Variants in KCNIP1 observed in about 807,000 individuals in gnomAD.
KCNIP1 encodes the protein A-type potassium channel modulatory protein KCNIP1.
A neutral mutation model predicts 33.0 loss-of-function variants in KCNIP1; 18 were observed. The ratio of observed to expected loss-of-function variants is 0.55; its 90% CI spans 0.38 to 0.81. The LOEUF is 0.81. Among genes scored for constraint, KCNIP1 ranks in the 30% least tolerant of loss-of-function variants. The pLI is 0.00. For synonymous variants in KCNIP1, 93 were observed against 98.3 expected (o/e 0.95, Z 0.32); for missense variants, 238 against 271.6 (o/e 0.88, Z 0.87).
chr5:170,491,596 T>A (rs1182200720), intron 1 of KCNIP1, among the ~76,000 whole-genome samples: 1 of 152,240 alleles, frequency 6.6e-6, no homozygotes. Flanking sequence ...ATTTGTGGTT[T>A]AAGCTTCATG....
intron 1 of KCNIP1, among the ~76,000 whole-genome samples, chr5:170,535,915 G>A (rs1205618495): frequency 6.6e-6 from 1 of 152,188 alleles, no homozygotes; most frequent in Non-Finnish European, 1.5e-5. Context: ...AAAGGGGCCT[G>A]AGGAACTGCC....
At chr5:170,450,340 T>C (rs976527958) in intron 1 of KCNIP1, among the ~76,000 whole-genome samples, 6 of 152,290 alleles carry the variant, frequency 3.9e-5, no homozygotes, top group African/African-American at 1.4e-4. Context: ...CATTTTTTCA[T>C]CCATCACTCA....
intron 1 of KCNIP1, among the ~76,000 whole-genome samples, chr5:170,686,385 G>C (rs1413352013): frequency 6.6e-6 from 1 of 152,116 alleles, no homozygotes; most frequent in Non-Finnish European, 1.5e-5. Flanking sequence ...AGGAAGATGC[G>C]AACAAGGAGA....
At chr5:170,383,873 C>T (rs1198867457) in intron 1 of KCNIP1, 1 of 1,611,688 alleles carries the variant, frequency 6.2e-7, no homozygotes, top group Non-Finnish European at 8.5e-7. Context: ...CACACATGCA[C>T]ACATACACAT....
At chr5:170,707,456 T>A (rs6877532) in intron 1 of KCNIP1, among the ~76,000 whole-genome samples, 1 of 152,212 alleles carries the variant, frequency 6.6e-6, no homozygotes, top group East Asian at 1.9e-4. Flanking sequence ...TTCTTCAATC[T>A]TGGAAAATAT....
upstream of KCNIP1, among the ~76,000 whole-genome samples, chr5:170,502,442 G>C (rs1757432282): frequency 6.6e-6 from 1 of 152,266 alleles, no homozygotes; most frequent in East Asian, 1.9e-4. Flanking sequence ...CCTGTATCCT[G>C]GGGATTCAAC....
Position 170,461,079 on chromosome 5 carries a change from A to T in KCNIP1, c.88+107115A>T, listed in dbSNP as rs182786288. Among the ~76,000 whole-genome samples the T allele has an allele frequency of 9.9e-5, 15 of 152,276 alleles. No homozygotes were observed. The East Asian group carries it at 2.5e-3, about 25-fold the overall frequency. ...AATAGCTGCAAAAAAAATAAAATAA[A>T]ATACTTAGGAATATACCTAACCAAG... On this transcript the variant is annotated intron_variant, in intron 1 of 7. Transcript: ENST00000377360.
intron 1 of KCNIP1, among the ~76,000 whole-genome samples, chr5:170,410,873 CCA>C (rs2081229277): frequency 1.3e-5 from 2 of 152,144 alleles, no homozygotes; most frequent in Admixed American, 6.5e-5. Flanking sequence ...GAACAGGGCC[CCA>C]CACAGACGCA....
At chr5:170,503,929 T>TCC, upstream of KCNIP1, 1 of 499,124 alleles carries the variant, frequency 2.0e-6, no homozygotes, top group Non-Finnish European at 2.6e-6. Flanking sequence ...GGGCTGGGCG[T>TCC]CCCCCGCCCC....
intron 1 of KCNIP1, among the ~76,000 whole-genome samples, chr5:170,361,954 G>A (rs1414594861): frequency 1.3e-5 from 2 of 152,180 alleles, no homozygotes; most frequent in Non-Finnish European, 2.9e-5. Flanking sequence ...CTAAGTAAAT[G>A]GCTTTTTTTT....
chr5:170,653,270 C>A (rs1761124958), intron 1 of KCNIP1, among the ~76,000 whole-genome samples: 1 of 152,182 alleles, frequency 6.6e-6, no homozygotes, highest in Non-Finnish European at 1.5e-5. Flanking sequence ...AAACTCTCCC[C>A]CTGGCTGGAC....
exon 1 of KCNIP1, chr5:170,353,852 CA>C: frequency 6.2e-7 from 1 of 1,610,920 alleles, no homozygotes; most frequent in Non-Finnish European, 8.5e-7. Context: ...GTGCTGACAG[CA>C]GAGCCTGGCT....
At chr5:170,555,013 A>C (rs186014577) in intron 1 of KCNIP1, among the ~76,000 whole-genome samples, 1 of 152,140 alleles carries the variant, frequency 6.6e-6, no homozygotes, top group African/African-American at 2.4e-5. Flanking sequence ...CTCTATCTCC[A>C]TATCTTATTT....
chr5:170,681,424 C>T (rs905812176), intron 1 of KCNIP1: 6 of 315,908 alleles, frequency 1.9e-5, no homozygotes, highest in Non-Finnish European at 3.4e-5. Context: ...TCTCCTGCTC[C>T]GGCCCTATGA....
intron 1 of KCNIP1, among the ~76,000 whole-genome samples, chr5:170,623,880 C>A (rs921800713): frequency 1.4e-4 from 21 of 152,298 alleles, no homozygotes; most frequent in Admixed American, 1.3e-3. Flanking sequence ...CAAATCTATT[C>A]TCAGCAGGAG....
chr5:170,440,110 G>GAC (rs1173428224), intron 1 of KCNIP1, among the ~76,000 whole-genome samples: 2 of 152,164 alleles, frequency 1.3e-5, no homozygotes, highest in East Asian at 1.9e-4. Flanking sequence ...ATAAGACATA[G>GAC]ACACACACAC....
intron 1 of KCNIP1, among the ~76,000 whole-genome samples, chr5:170,490,141 G>A (rs537665772): frequency 1.3e-5 from 2 of 152,240 alleles, no homozygotes; most frequent in African/African-American, 4.8e-5. Context: ...GAGAAGCGCT[G>A]TGTGACCATG....
chr5:170,356,682 G>A (rs62392730), intron 1 of KCNIP1, among the ~76,000 whole-genome samples: 13,197 of 152,230 alleles, frequency 0.087, 616 homozygotes, highest in Non-Finnish European at 0.1. Context: ...GCAAGACCAT[G>A]TGCATTTTTT....
At chr5:170,516,392 C>T (rs1755121355) in intron 1 of KCNIP1, among the ~76,000 whole-genome samples, 1 of 152,202 alleles carries the variant, frequency 6.6e-6, no homozygotes, top group Admixed American at 6.5e-5. Context: ...CCTCAGAGAC[C>T]TGGACCTTTC....
Sources: gnomAD v4.1 joint callset for allele counts (sites outside exome capture counted in the v4.1 genomes callset) on GRCh38, gnomAD v4.1.1 for gene constraint, MANE v1.5 for transcripts, NCBI Gene and HGNC (gene_info 2026-07-23, HGNC 2026-07-21) for gene names.